The following ANXA3 variants were observed in gnomAD, a reference collection of about 807,000 sequenced individuals.
ANXA3 encodes 35-alpha calcimedin.
ANXA3 carries 46 observed loss-of-function variants against 48.8 expected under a neutral mutation model. That is an observed-to-expected ratio of 0.94 (90% CI 0.74 to 1.21). The LOEUF is 1.21. Ranked by LOEUF, ANXA3 falls within the 50% of genes most tolerant of loss-of-function variation. The pLI, the probability that ANXA3 is intolerant of heterozygous loss-of-function variation, is 0.00. For synonymous variants in ANXA3, 128 were observed against 134.7 expected (o/e 0.95, Z 0.35); for missense variants, 383 against 378.6 (o/e 1.01, Z -0.10).
chr4:78,554,481 C>G lies in ANXA3; in HGVS notation c.8C>G (p.Ser3Cys). Residue 3 changes from serine (S) to cysteine (C), a missense_variant, in exon 2 of 13, where the codon TCT (serine) becomes TGT (cysteine). Physicochemically the swap from Ser to Cys is moderately radical, Grantham distance 112 (BLOSUM62 -1). Transcript: ENST00000264908. MA[S>C]IWVGHRGTVR... ...AGGCAAAGGTGGGATATCATGGCAT[C>G]TATCTGGGTAAGTAAAAATTAAGCC... 1.2e-6 allele frequency: 2 copies of G among 1,613,140 alleles called. No individual in the cohort carries two copies. The highest frequency in any genetic ancestry group is 1.7e-6 in the Non-Finnish European group (2 of 1,179,518).
intron 6 of ANXA3, 100 bp from the exon 7 acceptor site, chr4:78,591,444 A>C: frequency 1.3e-6 from 1 of 763,234 alleles, no homozygotes; most frequent in Non-Finnish European, 2.3e-6. Flanking sequence ...ATCTTATCAC[A>C]TACCCATTCT....
rs1451574068 is a variant in ANXA3 at position 78,578,298 on chromosome 4, C to CGAGAGTGAGAGAGA, written c.104-724_104-723insTGAGAGAGAGAGAG. 2.5e-3 allele frequency among the ~76,000 whole-genome samples: 117 copies of CGAGAGTGAGAGAGA among 46,508 alleles called. 3 individuals are homozygous for CGAGAGTGAGAGAGA. Among genetic ancestry groups the CGAGAGTGAGAGAGA allele is most frequent in the Admixed American group, 0.013 (44 of 3,372 alleles). 30.5% of individuals were successfully genotyped at this position (46,508 alleles called of 152,430 possible). On this transcript the variant is annotated intron_variant, in intron 3 of 12. Transcript: ENST00000264908. ...GAAAGGGCGAAGGGGAGAGAGAGAG[C>CGAGAGTGAGAGAGA]GAGAGAGAGAGAGAGAGAGAGAGAG...
intron 3 of ANXA3, among the ~76,000 whole-genome samples, chr4:78,576,598 G>A (rs76874100): frequency 6.6e-6 from 1 of 152,254 alleles, no homozygotes; most frequent in East Asian, 1.9e-4. Flanking sequence ...CACCCAGCCT[G>A]ATTGCCCTAT....
chr4:78,575,797 G>T (rs1051735123), intron 3 of ANXA3, among the ~76,000 whole-genome samples: 1 of 151,962 alleles, frequency 6.6e-6, no homozygotes, highest in Admixed American at 6.6e-5. Context: ...TTTCTATAAC[G>T]AAGTCATAAA....
chr4:78,580,628 T>A (rs576080769), intron 4 of ANXA3, among the ~76,000 whole-genome samples: 5 of 152,106 alleles, frequency 3.3e-5, no homozygotes, highest in African/African-American at 1.2e-4. Flanking sequence ...GTTGAGAGGG[T>A]CTAGTGACCA....
intron 9 of ANXA3, 110 bp downstream of exon 9, chr4:78,595,997 C>A: frequency 1.5e-6 from 1 of 682,662 alleles, no homozygotes; most frequent in Non-Finnish European, 2.5e-6. Flanking sequence ...GAAGTCTGTT[C>A]CAGTTATTCA....
chr4:78,578,133 T>A (rs1200433203), intron 3 of ANXA3, among the ~76,000 whole-genome samples: 1 of 151,158 alleles, frequency 6.6e-6, no homozygotes, highest in Non-Finnish European at 1.5e-5. Context: ...AAAAAAAAAT[T>A]AGCTGGGCAT....
At chr4:78,609,213 C>T (rs747210844) in intron 12 of ANXA3, among the ~76,000 whole-genome samples, 4 of 152,114 alleles carry the variant, frequency 2.6e-5, no homozygotes, top group Non-Finnish European at 5.9e-5. Context: ...ACCACTTTCT[C>T]TAATATTCAC....
At chr4:78,599,276 G>A (rs1328679021) in intron 10 of ANXA3, among the ~76,000 whole-genome samples, 1 of 152,136 alleles carries the variant, frequency 6.6e-6, no homozygotes, top group African/African-American at 2.4e-5. Context: ...ACTATTGACA[G>A]TCACTTTCCA....
At chr4:78,593,507 G>GTT (rs550373077) in intron 7 of ANXA3, among the ~76,000 whole-genome samples, 1 of 142,414 alleles carries the variant, frequency 7.0e-6, no homozygotes. Context: ...CCGCCTTTGA[G>GTT]TTTTTTTTTT....
intron 5 of ANXA3, among the ~76,000 whole-genome samples, chr4:78,584,872 G>A (rs1189323079): frequency 6.6e-6 from 1 of 152,236 alleles, no homozygotes; most frequent in African/African-American, 2.4e-5. Context: ...ACCCCTATGA[G>A]AGGAGAGAGG....
intron 2 of ANXA3, among the ~76,000 whole-genome samples, chr4:78,566,431 T>A (rs2109928820): frequency 8.8e-6 from 1 of 113,530 alleles, no homozygotes; most frequent in East Asian, 2.9e-4. Flanking sequence ...ATTAAGAAAA[T>A]GAATGTAGAA....
intron 6 of ANXA3, among the ~76,000 whole-genome samples, chr4:78,587,520 A>G (rs533980742): frequency 1.2e-4 from 19 of 152,350 alleles, no homozygotes; most frequent in African/African-American, 4.6e-4. Flanking sequence ...CAATGGCCCC[A>G]TAGAACCCTC....
intron 2 of ANXA3, among the ~76,000 whole-genome samples, chr4:78,567,658 G>A (rs1722759907): frequency 6.6e-6 from 1 of 152,218 alleles, no homozygotes; most frequent in Non-Finnish European, 1.5e-5. Flanking sequence ...AGGTGGGGCA[G>A]TGAAGAAAGG....
chr4:78,560,918 T>G (rs1217820477), intron 2 of ANXA3, among the ~76,000 whole-genome samples: 1 of 152,204 alleles, frequency 6.6e-6, no homozygotes, highest in Non-Finnish European at 1.5e-5. Context: ...CCAATATATA[T>G]TCTTTTATTT....
Position 78,575,211 on chromosome 4 carries a change from GTCT to G in ANXA3, c.103+1949_103+1951del, listed in dbSNP as rs1722922334. Among the ~76,000 whole-genome samples the G allele has an allele frequency of 2.0e-5, 3 of 151,584 alleles. No individual in the cohort carries two copies. The South Asian group carries it at 6.3e-4, about 32-fold the overall frequency. ...TTTATCTATTTTTTTCAGTTGGTTT[GTCT>G]TCTTTATGATTGGCAAGAGTTTTTT... is the stretch of plus-strand genomic sequence containing the variant. On this transcript the variant is annotated intron_variant, in intron 3 of 12. Coordinates refer to ENST00000264908, the MANE Select transcript of ANXA3 (RefSeq NM_005139.3).
intron 10 of ANXA3, among the ~76,000 whole-genome samples, chr4:78,600,313 T>G (rs985610748): frequency 6.6e-6 from 1 of 152,106 alleles, no homozygotes; most frequent in Non-Finnish European, 1.5e-5. Context: ...ACTGCCACCT[T>G]CCAAAACTTT....
chr4:78,576,864 G>A (rs373174617), intron 3 of ANXA3, among the ~76,000 whole-genome samples: 142 of 152,066 alleles, frequency 9.3e-4, no homozygotes, highest in African/African-American at 3.2e-3. Context: ...TTTGATCTTG[G>A]GCATGTTTAA....
rs5949 is a variant in ANXA3 at position 78,601,531 on chromosome 4, C to T, written c.752C>T (p.Pro251Leu). 1,128 of 1,613,906 alleles carry T rather than the reference C, an allele frequency of 7.0e-4. 2 individuals carry two copies. The highest frequency in any genetic ancestry group is 5.2e-3 in the African/African-American group (389 of 75,006). Residue 251 changes from proline to leucine, a missense_variant, in exon 11 of 13, where the codon CCG (proline) becomes CTG (leucine). By Grantham distance (98) the Pro-to-Leu change is moderately conservative (BLOSUM62 -3). Coordinates refer to ENST00000264908, the MANE Select transcript of ANXA3 (RefSeq NM_005139.3). Reference protein sequence around the residue: ...LAIVNCVRNTPAFLAERLHRA... With the variant: ...LAIVNCVRNTLAFLAERLHRA... ...ACAGTTAATTGTGTGAGGAACACGC[C>T]GGCCTTTTTAGCCGAAAGACTGCAT...
Sources: gnomAD v4.1 joint callset for allele counts (sites outside exome capture counted in the v4.1 genomes callset) on GRCh38, gnomAD v4.1.1 for gene constraint, MANE v1.5 for transcripts, NCBI Gene and HGNC (gene_info 2026-07-23, HGNC 2026-07-21) for gene names.